RASSF6: variants seen among roughly 807,000 people sequenced by gnomAD.
RASSF6 encodes the protein ras association domain-containing protein 6.
RASSF6 carries 52 observed loss-of-function variants against 44.0 expected under a neutral mutation model. The ratio of observed to expected loss-of-function variants is 1.18; its 90% CI spans 0.95 to 1.49. The LOEUF (loss-of-function observed/expected upper bound fraction) is 1.49, where lower values mean the gene tolerates loss of function less well. Ranked by LOEUF, RASSF6 falls within the 40% of genes most tolerant of loss-of-function variation. The pLI, the probability that RASSF6 is intolerant of heterozygous loss-of-function variation, is 0.00. For missense variants in RASSF6, 464 were observed against 393.3 expected, an observed-to-expected ratio of 1.18 and a Z score of -1.52; for synonymous variants, 162 against 124.6, an observed-to-expected ratio of 1.30 and a Z score of -2.00.
intron 4 of RASSF6, among the ~76,000 whole-genome samples, chr4:73,590,737 C>T (rs1478838102): frequency 1.3e-5 from 2 of 152,250 alleles, no homozygotes; most frequent in East Asian, 1.9e-4. Context: ...CTCTTGTTTG[C>T]GTGTGGTTCT....
At chr4:73,579,744 ACACAGTCCAGTATTGCTAC>A (rs1351570617) in intron 8 of RASSF6, among the ~76,000 whole-genome samples, 1 of 152,012 alleles carries the variant, frequency 6.6e-6, no homozygotes, top group Non-Finnish European at 1.5e-5. Context: ...TTAAATTGTT[ACACAGTCCAGTATTGCTAC>A]CATTTATTTT....
At position 73,598,738 on chromosome 4, in the gene RASSF6, A is replaced by C. The variant is rs765676008; in HGVS notation, c.66-20T>G. The stretch of plus-strand genomic sequence containing the variant: ...TGTTCCCTAAAAATAAAAAAAAATT[A>C]ATTACAATCAGTCTTAGAGTTTTTA... On this transcript the variant is annotated intron_variant, in intron 2 of 10. Transcript: ENST00000307439. 6 of 1,056,648 alleles carry C rather than the reference A, an allele frequency of 5.7e-6. No homozygotes were observed. Among genetic ancestry groups the C allele is most frequent in the Non-Finnish European group, 8.3e-6 (6 of 721,178 alleles). The allele number at this position is 1,056,648 out of a possible 1,614,324, so 65.5% of individuals were successfully genotyped here.
intron 1 of RASSF6, chr4:73,615,938 T>A: frequency 6.5e-7 from 1 of 1,549,972 alleles, no homozygotes. Context: ...AAGTGAATTC[T>A]AGTACAAATT....
At chr4:73,590,520 G>T (rs1008306543) in intron 4 of RASSF6, among the ~76,000 whole-genome samples, 1 of 152,158 alleles carries the variant, frequency 6.6e-6, no homozygotes, top group Non-Finnish European at 1.5e-5. Context: ...TAAAATAGAT[G>T]TTATCTTAAA....
chr4:73,581,914 T>A, intron 7 of RASSF6, 46 bp from the exon 8 acceptor site: 1 of 1,495,850 alleles, frequency 6.7e-7, no homozygotes, highest in East Asian at 2.3e-5. Context: ...TGTTGTTATA[T>A]GATGTTTTCT....
intron 5 of RASSF6, 91 bp from the exon 6 acceptor site, chr4:73,585,455 A>C: frequency 1.2e-6 from 1 of 816,426 alleles, no homozygotes; most frequent in South Asian, 3.3e-5. Flanking sequence ...TAATTTTAGG[A>C]ATATTGCTAT....
intron 3 of RASSF6, among the ~76,000 whole-genome samples, chr4:73,598,316 C>T (rs574516681): frequency 4.6e-5 from 7 of 152,240 alleles, no homozygotes; most frequent in Non-Finnish European, 8.8e-5. Flanking sequence ...CAATTTTCTG[C>T]ATTACAAATG....
At chr4:73,600,623 C>G (rs375064226) in intron 2 of RASSF6, among the ~76,000 whole-genome samples, 1 of 152,158 alleles carries the variant, frequency 6.6e-6, no homozygotes, top group African/African-American at 2.4e-5. Context: ...CTGACTGTTA[C>G]ATGTTTGAAA....
At position 73,576,003 on chromosome 4, in the gene RASSF6, A is replaced by G. The variant is rs1463236015; in HGVS notation, c.*232T>C. 2 of 378,992 alleles carry G rather than the reference A, an allele frequency of 5.3e-6. No individual in the cohort carries two copies. Among genetic ancestry groups the G allele is most frequent in the Non-Finnish European group, 9.4e-6 (2 of 211,890 alleles). 23.5% of individuals were successfully genotyped at this position (378,992 alleles called of 1,614,324 possible). A position where few individuals can be genotyped will look rare whatever the true frequency, so the allele number is the denominator to read the frequency against. The stretch of plus-strand genomic sequence containing the variant: ...ACTATAAAAGCTATTTGGCATATGC[A>G]GTATTCAAGCTTATTTCAGTTACTG... On this transcript the variant is annotated 3_prime_UTR_variant, in exon 11 of 11. Coordinates refer to ENST00000307439, the MANE Select transcript of RASSF6 (RefSeq NM_177532.5).
chr4:73,588,224 T>G (rs1725604776), intron 4 of RASSF6, among the ~76,000 whole-genome samples: 1 of 152,052 alleles, frequency 6.6e-6, no homozygotes, highest in African/African-American at 2.4e-5. Flanking sequence ...ATGTCCAAAT[T>G]GAATTAGTAG....
intron 1 of RASSF6, among the ~76,000 whole-genome samples, chr4:73,612,728 A>C (rs897096582): frequency 7.9e-5 from 12 of 152,134 alleles, no homozygotes; most frequent in Non-Finnish European, 1.5e-4. Flanking sequence ...TACAGTTTTC[A>C]GGGTGAATGC....
rs958596182 is a variant in RASSF6, at chr4:73,571,720, A to G, written c.*4515T>C. ...AATTTTTATTGAGCACATCCTACGCACAAGACACAATATTAGGTACAGAAA... is the reference window on the plus strand; with the variant it reads ...AATTTTTATTGAGCACATCCTACGCGCAAGACACAATATTAGGTACAGAAA... On this transcript the variant is annotated 3_prime_UTR_variant, in exon 11 of 11. Transcript: ENST00000307439. 1.3e-5 allele frequency: 2 copies of G among 151,964 alleles called. No individual in the cohort carries two copies. The highest frequency in any genetic ancestry group is 4.8e-5 in the African/African-American group (2 of 41,418). The allele number at this position is 151,964 out of a possible 1,614,324, so 9.4% of individuals were successfully genotyped here. A position where few individuals can be genotyped will look rare whatever the true frequency, so the allele number is the denominator to read the frequency against.
At chr4:73,594,332 A>G (rs1368996572) in intron 3 of RASSF6, among the ~76,000 whole-genome samples, 1 of 152,236 alleles carries the variant, frequency 6.6e-6, no homozygotes, top group Non-Finnish European at 1.5e-5. Context: ...CCCAATACCT[A>G]TTTTAACATT....
At chr4:73,609,123 G>A (rs1170417234) in intron 2 of RASSF6, among the ~76,000 whole-genome samples, 2 of 152,192 alleles carry the variant, frequency 1.3e-5, no homozygotes, top group African/African-American at 2.4e-5. Flanking sequence ...AGGTTACTAA[G>A]TAGCAGAAAA....
At chr4:73,581,678 A>G (rs1723658558) in intron 8 of RASSF6, 139 bp downstream of exon 8, 3 of 563,200 alleles carry the variant, frequency 5.3e-6, no homozygotes, top group Non-Finnish European at 9.6e-6. Flanking sequence ...ATAATGTTCT[A>G]AAGACCACTC....
intron 2 of RASSF6, among the ~76,000 whole-genome samples, chr4:73,601,558 A>G (rs1262756634): frequency 1.3e-5 from 2 of 152,258 alleles, no homozygotes; most frequent in Non-Finnish European, 2.9e-5. Flanking sequence ...AGAGCTCAGT[A>G]AACTAAAGTA....
rs1388057274 is a variant in RASSF6, at chr4:73,576,721, T to A, written c.732A>T (p.Arg244=). 2 of 1,596,924 alleles carry A rather than the reference T, an allele frequency of 1.3e-6. No homozygotes were observed. The highest frequency in any genetic ancestry group is 4.5e-5 in the East Asian group (2 of 44,718). ...HIIFATGEQR[R]LKKTDIPLLQ... ...GTAGCGGAATGTCTGTCTTCTTTAG[T>A]CGTCTTTGTTCTGCAGTGAAAACAA... Residue 244 remains arginine (R), a synonymous_variant, in exon 9 of 11, where the codon CGA becomes CGT. Coordinates refer to ENST00000307439, the MANE Select transcript of RASSF6 (RefSeq NM_177532.5).
At position 73,585,225 on chromosome 4, in the gene RASSF6, T is replaced by C. The variant is rs762628103; in HGVS notation, c.522A>G (p.Arg174=). 1.2e-6 allele frequency: 2 copies of C among 1,611,866 alleles called. No homozygotes were observed. Among genetic ancestry groups the C allele is most frequent in the Non-Finnish European group, 1.7e-6 (2 of 1,178,912 alleles). The part of the protein sequence containing the change: ...MKPLMMDRKE[R]QKNRASINGH... ...CATTAATAGAGGCTCTATTTTTCTG[T>C]CTTTCTTTTCTGTCCATCATCAGAG... The change falls in exon 6 of 11, where the codon AGA becomes AGG. Residue 174 remains arginine (R), a synonymous_variant. Transcript: ENST00000307439.
Position 73,578,721 on chromosome 4 carries a change from G to C in RASSF6, c.722-1990C>G, listed in dbSNP as rs568196051. Among the ~76,000 whole-genome samples, 240 of 150,498 alleles carry C rather than the reference G, an allele frequency of 1.6e-3. 6 individuals are homozygous for C. In the South Asian group the frequency reaches 0.045, roughly 28 times the overall value. On this transcript the variant is annotated intron_variant, in intron 8 of 10. Transcript: ENST00000307439. ...CCTCCTGAGTTCAAGCGATTCTCCT[G>C]TCTCAGCTTCCTGAGTAGCTGGGAT...
Sources: allele counts gnomAD v4.1 joint callset (sites outside exome capture counted in the v4.1 genomes callset), GRCh38; gene constraint gnomAD v4.1.1; transcripts MANE v1.5; gene names NCBI Gene and HGNC (gene_info 2026-07-23, HGNC 2026-07-21).